Variants in CDH17 observed in about 807,000 individuals in gnomAD.
The protein encoded by CDH17 is cadherin-17.
Under a neutral mutation model 86.3 loss-of-function variants are expected in CDH17, and 67 were observed. The ratio of observed to expected loss-of-function variants is 0.78; its 90% CI spans 0.64 to 0.95. The LOEUF (loss-of-function observed/expected upper bound fraction) is 0.95. Among genes scored for constraint, CDH17 ranks in the 40% least tolerant of loss-of-function variants. The pLI, the probability that CDH17 is intolerant of heterozygous loss-of-function variation, is 0.00. For synonymous variants in CDH17, 367 were observed against 366.4 expected (o/e 1.00, Z -0.02); for missense variants, 993 against 1,017.6 (o/e 0.98, Z 0.33).
rs773553307 is a variant in CDH17 at position 94,162,060 on chromosome 8, AAAAAC to A, written c.1359+21_1359+25del. 3.8e-6 allele frequency: 5 copies of A among 1,317,174 alleles called. No homozygotes were observed. The South Asian group carries it at 6.0e-5, about 16-fold the overall frequency. 81.6% of individuals were successfully genotyped at this position (1,317,174 alleles called of 1,614,324 possible). A position where few individuals can be genotyped will look rare whatever the true frequency, so the allele number is the denominator to read the frequency against. On this transcript the variant is annotated intron_variant, in intron 11 of 17. Transcript: ENST00000027335. ...TGAAGTAAAATGAATAAAGTAAAGA[AAAAAC>A]AAATAATGACAACTACTCACATCTG...
In CDH17 at chr8:94,146,158, G is replaced by A. The variant is rs1812739966; in HGVS notation, c.1937C>T (p.Ser646Phe). ...QVVATEVGGS[S>F]LSSVSEFHLI... ...GTGGAACTCTGACACAGAGCTCAAG[G>A]AAGACCCCCCTAAGGAATTGAATGA... The change falls in exon 15 of 18, where the codon TCC (serine) becomes TTC (phenylalanine). Residue 646 changes from serine (S) to phenylalanine (F), a missense_variant. Ser to Phe is a radical substitution (Grantham distance 155). Coordinates refer to ENST00000027335, the MANE Select transcript of CDH17 (RefSeq NM_004063.4). 6.4e-7 allele frequency: 1 copy of A among 1,551,372 alleles called. No homozygotes were observed. Among genetic ancestry groups the A allele is most frequent in the Non-Finnish European group, 8.7e-7 (1 of 1,149,310 alleles).
intron 10 of CDH17, among the ~76,000 whole-genome samples, chr8:94,163,838 A>G (rs1813104644): frequency 1.3e-5 from 2 of 152,210 alleles, no homozygotes; most frequent in African/African-American, 4.8e-5. Context: ...GAATGGCTGA[A>G]GACTGGAGTG....
intron 15 of CDH17, among the ~76,000 whole-genome samples, chr8:94,140,965 C>T (rs1029956196): frequency 2.1e-5 from 3 of 144,846 alleles, no homozygotes; most frequent in Admixed American, 7.1e-5. Flanking sequence ...CAATTTTATG[C>T]AAACTTGTCC....
chr8:94,174,983 T>A (rs1196092820), intron 5 of CDH17, among the ~76,000 whole-genome samples: 1 of 152,214 alleles, frequency 6.6e-6, no homozygotes, highest in Non-Finnish European at 1.5e-5. Context: ...TAACCAGTGA[T>A]GTACTAGAGA....
At chr8:94,213,061 C>T (rs559714855), upstream of CDH17, among the ~76,000 whole-genome samples, 8 of 152,318 alleles carry the variant, frequency 5.3e-5, no homozygotes, top group South Asian at 1.7e-3. Flanking sequence ...ACTGCAGCCT[C>T]GACTTCCTGG....
At chr8:94,172,841 C>T (rs1158217175) in intron 7 of CDH17, among the ~76,000 whole-genome samples, 6 of 152,160 alleles carry the variant, frequency 3.9e-5, no homozygotes, top group Non-Finnish European at 7.4e-5. Flanking sequence ...AGCATCTGAA[C>T]GGAGGGGAGA....
At chr8:94,200,747 A>G (rs1813895585) in intron 1 of CDH17, among the ~76,000 whole-genome samples, 1 of 151,410 alleles carries the variant, frequency 6.6e-6, no homozygotes, top group Non-Finnish European at 1.5e-5. Context: ...AATCTACCAC[A>G]CAACAGAAGA....
At chr8:94,150,421 C>A (rs1563570336) in intron 13 of CDH17, among the ~76,000 whole-genome samples, 1 of 152,162 alleles carries the variant, frequency 6.6e-6, no homozygotes, top group Non-Finnish European at 1.5e-5. Flanking sequence ...ATAATATTTG[C>A]TGAAGGATTG....
chr8:94,203,682 G>A (rs1813965850), intron 1 of CDH17, among the ~76,000 whole-genome samples: 1 of 152,196 alleles, frequency 6.6e-6, no homozygotes, highest in Non-Finnish European at 1.5e-5. Context: ...GACAAATTAA[G>A]GACCCAATTA....
At chr8:94,173,147 G>A (rs757765365) in intron 7 of CDH17, among the ~76,000 whole-genome samples, 7 of 152,194 alleles carry the variant, frequency 4.6e-5, no homozygotes, top group African/African-American at 1.7e-4. Context: ...CTTTTAAGGT[G>A]AGGGTGAGTG....
intron 3 of CDH17, among the ~76,000 whole-genome samples, chr8:94,180,848 T>C (rs918180810): frequency 6.6e-6 from 1 of 151,622 alleles, no homozygotes; most frequent in Non-Finnish European, 1.5e-5. Flanking sequence ...TGAGCTGAGA[T>C]TGTGCCACTG....
In CDH17 at chr8:94,180,602, A is replaced by G. The variant is rs199800095; in HGVS notation, c.151-2881T>C. On this transcript the variant is annotated intron_variant, in intron 3 of 17. Transcript: ENST00000027335. The stretch of plus-strand genomic sequence containing the variant: ...AGAAGGCAGTGGAATGACACATTCA[A>G]AGTGCTAAAAGAGGCCGGGTGCAGT... Among the ~76,000 whole-genome samples, 35 of 152,328 alleles carry G rather than the reference A, an allele frequency of 2.3e-4. No homozygotes were observed. The East Asian group carries it at 3.3e-3, about 14-fold the overall frequency.
intron 13 of CDH17, among the ~76,000 whole-genome samples, chr8:94,149,390 C>T (rs1586242702): frequency 6.6e-6 from 1 of 152,078 alleles, no homozygotes; most frequent in African/African-American, 2.4e-5. Flanking sequence ...GAAGATCAGG[C>T]AGTGGGCCAA....
At chr8:94,207,082 T>C (rs1267262232) in intron 1 of CDH17, among the ~76,000 whole-genome samples, 1 of 152,156 alleles carries the variant, frequency 6.6e-6, no homozygotes, top group Non-Finnish European at 1.5e-5. Context: ...AAGACTTATA[T>C]GGGAACCATG....
intron 3 of CDH17, among the ~76,000 whole-genome samples, chr8:94,186,241 T>G (rs955084014): frequency 4.6e-4 from 70 of 152,114 alleles, no homozygotes; most frequent in African/African-American, 1.6e-3. Context: ...CTCTAAATCT[T>G]TTGCTGTACT....
At chr8:94,169,062 G>C (rs189830716) in intron 9 of CDH17, among the ~76,000 whole-genome samples, 4 of 152,282 alleles carry the variant, frequency 2.6e-5, no homozygotes, top group Admixed American at 2.6e-4. Context: ...AGAGCAATCT[G>C]TTTTGCAGAA....
intron 3 of CDH17, 110 bp downstream of exon 3, chr8:94,189,077 G>A (rs965830105): frequency 3.9e-6 from 3 of 764,470 alleles, no homozygotes; most frequent in Non-Finnish European, 6.7e-6. Flanking sequence ...TCTTGATAAT[G>A]AGAATGCCAT....
chr8:94,147,890 C>G lies in CDH17; in HGVS notation c.1927+854G>C, dbSNP rs562149537. ...TGATTTCGTCAAAACACAGATACCCCTTGTTCACCCAAACCTATGGAATCA... is the reference window on the plus strand; with the variant it reads ...TGATTTCGTCAAAACACAGATACCCGTTGTTCACCCAAACCTATGGAATCA... On this transcript the variant is annotated intron_variant, in intron 14 of 17. Coordinates refer to ENST00000027335, the MANE Select transcript of CDH17 (RefSeq NM_004063.4). 2.6e-5 allele frequency among the ~76,000 whole-genome samples: 4 copies of G among 152,226 alleles called. No homozygotes were observed. In the South Asian group the frequency reaches 6.2e-4, roughly 24 times the overall value.
chr8:94,199,062 TATATATATATATA>T (rs1813845748), intron 1 of CDH17, among the ~76,000 whole-genome samples: 3 of 22,224 alleles, frequency 1.3e-4, no homozygotes, highest in African/African-American at 3.8e-4. Flanking sequence ...TATATATATA[TATATATATATATA>T]TATATATATT....
Sources: gnomAD v4.1 joint callset for allele counts (sites outside exome capture counted in the v4.1 genomes callset) on GRCh38, gnomAD v4.1.1 for gene constraint, MANE v1.5 for transcripts, NCBI Gene and HGNC (gene_info 2026-07-23, HGNC 2026-07-21) for gene names.